Variants in HADHB observed in about 807,000 individuals in gnomAD.
The protein encoded by HADHB is hydroxyacyl-CoA dehydrogenase trifunctional multienzyme complex subunit beta, also known as trifunctional enzyme subunit beta, mitochondrial.
HADHB carries 50 observed loss-of-function variants against 61.9 expected under a neutral mutation model. The observed-to-expected ratio is 0.81, with a 90% CI of 0.64 to 1.02. The LOEUF is 1.02. Ranked by LOEUF, HADHB falls within the 50% of genes least tolerant of loss-of-function variation. HADHB has a pLI of 0.00. For synonymous variants in HADHB, 191 were observed against 201.6 expected (o/e 0.95, Z 0.45); for missense variants, 504 against 586.5 (o/e 0.86, Z 1.45).
At chr2:26,278,139 CTCT>C (rs1415413153) in intron 7 of HADHB, among the ~76,000 whole-genome samples, 1 of 152,224 alleles carries the variant, frequency 6.6e-6, no homozygotes, top group Non-Finnish European at 1.5e-5. Flanking sequence ...GCGTTCGCCA[CTCT>C]AGGCAGCATG....
In HADHB at chr2:26,245,850, G is replaced by A. The variant is rs78481966; in HGVS notation, c.-9+860G>A. On this transcript the variant is annotated intron_variant, in intron 1 of 15. Coordinates refer to ENST00000317799, the MANE Select transcript of HADHB (RefSeq NM_000183.3). ...CACATTCCCCAAATTATTATCATTT[G>A]CATTTTCTAGATGAAGTTTGGGAAG... 3.4e-3 allele frequency among the ~76,000 whole-genome samples: 516 copies of A among 152,164 alleles called. 3 individuals carry two copies. The highest frequency in any genetic ancestry group is 0.012 in the African/African-American group (484 of 41,526).
intron 15 of HADHB, 132 bp from the exon 16 acceptor site, chr2:26,289,786 A>T (rs2147837581): frequency 1.3e-6 from 1 of 770,674 alleles, no homozygotes. Flanking sequence ...CTTTCCCAAG[A>T]TCACAGTGAT....
At chr2:26,268,561 G>GT (rs1241821786) in intron 4 of HADHB, among the ~76,000 whole-genome samples, 2 of 152,190 alleles carry the variant, frequency 1.3e-5, no homozygotes, top group Non-Finnish European at 2.9e-5. Context: ...GAGAAATACA[G>GT]TTTACCTCTG....
chr2:26,257,707 A>G (rs1671688090), intron 3 of HADHB, among the ~76,000 whole-genome samples: 1 of 152,040 alleles, frequency 6.6e-6, no homozygotes, highest in South Asian at 2.1e-4. Flanking sequence ...GCCCTTGTGC[A>G]TGATGTCATT....
intron 4 of HADHB, among the ~76,000 whole-genome samples, chr2:26,263,741 G>T (rs1461486792): frequency 6.6e-6 from 1 of 152,216 alleles, no homozygotes; most frequent in Non-Finnish European, 1.5e-5. Flanking sequence ...CAGATAGCTT[G>T]CTTCCAACAG....
chr2:26,273,534 C>T, intron 5 of HADHB, 117 bp from the exon 6 acceptor site: 1 of 714,984 alleles, frequency 1.4e-6, no homozygotes, highest in Non-Finnish European at 2.6e-6. Context: ...AAGATACAGT[C>T]TCTGTCCTTT....
In HADHB at chr2:26,273,664, C is replaced by T. The variant is rs756180402; in HGVS notation, c.268C>T (p.Arg90Trp). 4.4e-6 allele frequency: 7 copies of T among 1,594,390 alleles called. No individual in the cohort carries two copies. Among genetic ancestry groups the T allele is most frequent in the African/African-American group, 2.7e-5 (2 of 74,624 alleles). ...TTCTACTTCCAGGGGTTTGTTGCATCGGACCAGTGTCCCTAAGGAAGTAGT... is the reference window on the plus strand; with the variant it reads ...TTCTACTTCCAGGGGTTTGTTGCATTGGACCAGTGTCCCTAAGGAAGTAGT... ...ARAALTGLLHRTSVPKEVVDY... is the reference protein window; with the variant it reads ...ARAALTGLLHWTSVPKEVVDY... The change falls in exon 6 of 16, where the codon CGG (arginine) becomes TGG (tryptophan). Residue 90 changes from arginine to tryptophan, a missense_variant. Physicochemically the swap from Arg to Trp is moderately radical, Grantham distance 101. Transcript: ENST00000317799.
At chr2:26,285,048 G>A (rs114478389) in intron 14 of HADHB, 91 bp downstream of exon 14, 10,686 of 761,824 alleles carry the variant, frequency 0.014, 125 homozygotes, top group Non-Finnish European at 0.018. Context: ...TGAAGGGAAA[G>A]CTTCTCTTTC....
chr2:26,278,408 G>A (rs1239070083), intron 7 of HADHB, among the ~76,000 whole-genome samples: 1 of 152,260 alleles, frequency 6.6e-6, no homozygotes, highest in Non-Finnish European at 1.5e-5. Flanking sequence ...TGGCAGGAAT[G>A]AAACTTGTTT....
intron 3 of HADHB, among the ~76,000 whole-genome samples, chr2:26,258,374 A>C (rs1295507801): frequency 6.6e-6 from 1 of 152,236 alleles, no homozygotes; most frequent in East Asian, 1.9e-4. Context: ...TAGCTCTATT[A>C]GAAGCCATGG....
chr2:26,264,209 T>C (rs1671974362), intron 4 of HADHB, among the ~76,000 whole-genome samples: 1 of 152,106 alleles, frequency 6.6e-6, no homozygotes, highest in East Asian at 1.9e-4. Flanking sequence ...TATCTTTATA[T>C]ACTAATATGG....
At chr2:26,289,321 T>G (rs565196669) in intron 15 of HADHB, among the ~76,000 whole-genome samples, 1 of 152,276 alleles carries the variant, frequency 6.6e-6, no homozygotes, top group African/African-American at 2.4e-5. Flanking sequence ...CAGATCATTA[T>G]CTTAACCTGT....
intron 3 of HADHB, chr2:26,261,161 T>C (rs1450403761): frequency 3.1e-6 from 2 of 634,944 alleles, no homozygotes; most frequent in African/African-American, 1.9e-5. Flanking sequence ...GCAGGGCAAC[T>C]CCCTTTAGAG....
chr2:26,253,444 T>C (rs1199435606), intron 1 of HADHB, among the ~76,000 whole-genome samples: 1 of 152,168 alleles, frequency 6.6e-6, no homozygotes, highest in African/African-American at 2.4e-5. Context: ...TAGTACAGCC[T>C]TCAGAATCGT....
At position 26,254,187 on chromosome 2, in the gene HADHB, C is replaced by T. The variant is rs982914311; in HGVS notation, c.-8-60C>T. The T allele has an allele frequency of 5.8e-5, 48 of 825,320 alleles. 1 individual carries two copies. The highest frequency in any genetic ancestry group is 1.7e-5 in the Non-Finnish European group (8 of 463,354). The allele number at this position is 825,320 out of a possible 1,614,324, so 51.1% of individuals were successfully genotyped here. A position where few individuals can be genotyped will look rare whatever the true frequency, so the allele number is the denominator to read the frequency against. ...TGAGGTTATCAGAGTTCATAGACTA[C>T]AATGTAAACTACAAATTGTTCAGCT... On this transcript the variant is annotated intron_variant, in intron 1 of 15. Coordinates refer to ENST00000317799, the MANE Select transcript of HADHB (RefSeq NM_000183.3).
chr2:26,270,078 T>C, intron 5 of HADHB, 81 bp downstream of exon 5: 1 of 945,268 alleles, frequency 1.1e-6, no homozygotes, highest in Non-Finnish European at 1.8e-6. Context: ...TAGCAATTTG[T>C]TCTTATTTTA....
chr2:26,285,678 T>G (rs1306125953), intron 15 of HADHB, 107 bp downstream of exon 15: 44 of 553,198 alleles, frequency 8.0e-5, no homozygotes, highest in East Asian at 6.5e-4. Context: ...TTTGATGACC[T>G]GGGGGTGGGG....
At position 26,285,392 on chromosome 2, in the gene HADHB, CT is replaced by C. The variant is rs752821014; in HGVS notation, c.1225-12del. The stretch of plus-strand genomic sequence containing the variant: ...AGTAAACTTATCTTTACATTTGTGT[CT>C]TTGGGGGAGCCAGGTTGGATTGCCT... On this transcript the variant is annotated splice_polypyrimidine_tract_variant and intron_variant, in intron 14 of 15. Coordinates refer to ENST00000317799, the MANE Select transcript of HADHB (RefSeq NM_000183.3). 1 of 1,611,096 alleles carries C rather than the reference CT, an allele frequency of 6.2e-7. No homozygotes were observed. Among genetic ancestry groups the C allele is most frequent in the South Asian group, 1.1e-5 (1 of 90,930 alleles).
In HADHB at chr2:26,280,023, A is replaced by G; in HGVS notation, c.841A>G (p.Ile281Val). 6.2e-7 allele frequency: 1 copy of G among 1,609,960 alleles called. No individual in the cohort carries two copies. Among genetic ancestry groups the G allele is most frequent in the South Asian group, 1.1e-5 (1 of 90,946 alleles). The change falls in exon 10 of 16, where the codon ATC (isoleucine) becomes GTC (valine). Residue 281 changes from isoleucine to valine, a missense_variant. Physicochemically the swap from Ile to Val is conservative, Grantham distance 29. Coordinates refer to ENST00000317799, the MANE Select transcript of HADHB (RefSeq NM_000183.3). ...AGATACAGTTACCAAAGATAATGGC[A>G]TCCGTCCTTCCTCACTGGAGCAGAT... Reference protein sequence around the residue: ...GKDTVTKDNGIRPSSLEQMAK... With the variant: ...GKDTVTKDNGVRPSSLEQMAK...
Sources: allele counts gnomAD v4.1 joint callset (sites outside exome capture counted in the v4.1 genomes callset), GRCh38; gene constraint gnomAD v4.1.1; transcripts MANE v1.5; gene names NCBI Gene and HGNC (gene_info 2026-07-23, HGNC 2026-07-21).